Variants in BCKDHA observed in about 807,000 individuals in gnomAD.
BCKDHA encodes branched chain keto acid dehydrogenase E1 subunit alpha, also known as 2-oxoisovalerate dehydrogenase subunit alpha, mitochondrial.
BCKDHA carries 43 observed loss-of-function variants against 52.2 expected under a neutral mutation model. The observed-to-expected ratio is 0.82, with a 90% CI of 0.64 to 1.06. The LOEUF is 1.06. Among genes scored for constraint, BCKDHA ranks in the 50% least tolerant of loss-of-function variants. The pLI is 0.00. For missense variants in BCKDHA, 527 were observed against 621.3 expected, an observed-to-expected ratio of 0.85 and a Z score of 1.61; for synonymous variants, 234 against 247.9, an observed-to-expected ratio of 0.94 and a Z score of 0.53.
chr19:41,404,674 A>G (rs1205053016), intron 1 of BCKDHA, among the ~76,000 whole-genome samples: 2 of 150,238 alleles, frequency 1.3e-5, no homozygotes, highest in East Asian at 2.0e-4. Flanking sequence ...GCTCACTGCA[A>G]CCTCCACCTC....
In BCKDHA at chr19:41,408,529, G is replaced by A. The variant is rs138402518; in HGVS notation, c.109-2108G>A. The stretch of plus-strand genomic sequence containing the variant: ...TTCATATCCCTTTGAGCATTTATAG[G>A]CTTCTCACAGGTCTCCTGGGCTTTC... On this transcript the variant is annotated intron_variant, in intron 1 of 8. Transcript: ENST00000269980. 1.4e-3 allele frequency among the ~76,000 whole-genome samples: 217 copies of A among 151,470 alleles called. 1 individual carries two copies. Among genetic ancestry groups the A allele is most frequent in the African/African-American group, 5.1e-3 (209 of 40,866 alleles).
chr19:41,399,904 G>C (rs113901068), intron 1 of BCKDHA: 32 of 152,008 alleles, frequency 2.1e-4, no homozygotes, highest in African/African-American at 7.5e-4. Context: ...TCCTGCCTCA[G>C]CCTCCCTAGT....
At chr19:41,413,668 G>A (rs1568504761) in intron 3 of BCKDHA, among the ~76,000 whole-genome samples, 1 of 152,086 alleles carries the variant, frequency 6.6e-6, no homozygotes, top group Non-Finnish European at 1.5e-5. Context: ...TTATCTGGGT[G>A]CCATCTCCTC....
intron 4 of BCKDHA, among the ~76,000 whole-genome samples, chr19:41,417,333 C>T (rs181016780): frequency 7.2e-5 from 11 of 152,240 alleles, no homozygotes; most frequent in Non-Finnish European, 8.8e-5. Context: ...ACTTTTAGCA[C>T]GTTCCCCTGC....
chr19:41,410,870 T>C (rs1325830656), intron 2 of BCKDHA, 53 bp from the exon 3 acceptor site: 8 of 1,613,416 alleles, frequency 5.0e-6, no homozygotes, highest in East Asian at 2.2e-5. Flanking sequence ...GCCCCTTGCC[T>C]GTCTCCTCTC....
chr19:41,405,112 T>C (rs553935403), intron 1 of BCKDHA, among the ~76,000 whole-genome samples: 1 of 152,248 alleles, frequency 6.6e-6, no homozygotes, highest in Admixed American at 6.5e-5. Flanking sequence ...ACAAGAACAA[T>C]CATGAGAAAT....
At chr19:41,418,664 G>A (rs750126693) in intron 4 of BCKDHA, 9 of 427,566 alleles carry the variant, frequency 2.1e-5, no homozygotes, top group Non-Finnish European at 4.1e-5. Context: ...CCAAGTAGCT[G>A]GAACCACAGG....
intron 5 of BCKDHA, among the ~76,000 whole-genome samples, chr19:41,421,121 G>A (rs1048585320): frequency 6.6e-6 from 1 of 152,168 alleles, no homozygotes; most frequent in African/African-American, 2.4e-5. Flanking sequence ...CATTTAGGGG[G>A]CATTTGAGCT....
chr19:41,421,668 T>C (rs1050612223), intron 5 of BCKDHA, among the ~76,000 whole-genome samples: 3 of 152,086 alleles, frequency 2.0e-5, no homozygotes, highest in Admixed American at 2.0e-4. Flanking sequence ...CCTTTGCCTG[T>C]TGCAGGGATG....
At chr19:41,403,738 C>T (rs1326675884) in intron 1 of BCKDHA, among the ~76,000 whole-genome samples, 1 of 152,222 alleles carries the variant, frequency 6.6e-6, no homozygotes, top group Admixed American at 6.5e-5. Flanking sequence ...CCCCGCCTCT[C>T]CACCAGCCTG....
chr19:41,424,442 T>G lies in BCKDHA; in HGVS notation c.1172T>G (p.Met391Arg). ...CACTGCCCCATGTCCCCACAGGTGA[T>G]GGAGGCCTTTGAGCAGGCCGAGCGG... ...AWRKQSRRKVMEAFEQAERKP... is the reference protein window; with the variant it reads ...AWRKQSRRKVREAFEQAERKP... The change falls in exon 9 of 9, where the codon ATG (methionine) becomes AGG (arginine). Residue 391 changes from methionine to arginine, a missense_variant. Coordinates refer to ENST00000269980, the MANE Select transcript of BCKDHA (RefSeq NM_000709.4). The G allele has an allele frequency of 6.2e-7, 1 of 1,614,030 alleles. No homozygotes were observed. The highest frequency in any genetic ancestry group is 8.5e-7 in the Non-Finnish European group (1 of 1,180,026).
chr19:41,415,855 G>A (rs1336970793), intron 4 of BCKDHA, among the ~76,000 whole-genome samples: 1 of 149,338 alleles, frequency 6.7e-6, no homozygotes, highest in Admixed American at 6.7e-5. Flanking sequence ...CACCATGTTA[G>A]CCAGGATGGT....
At chr19:41,413,461 C>A (rs567295129) in intron 3 of BCKDHA, among the ~76,000 whole-genome samples, 1 of 152,164 alleles carries the variant, frequency 6.6e-6, no homozygotes. Context: ...TCCTCTCCCG[C>A]CTCCCTCTGC....
rs1377890441 is a variant in BCKDHA, at chr19:41,403,026, C to T, written c.108+5091C>T. ...CCTTCCTTGAATGTGCCTCCTCCCA[C>T]CTGGTGGCCTTTGTAGGTATGAGGT... On this transcript the variant is annotated intron_variant, in intron 1 of 8. Transcript: ENST00000269980. Among the ~76,000 whole-genome samples the T allele has an allele frequency of 6.6e-5, 10 of 152,278 alleles. No homozygotes were observed. The East Asian group carries it at 1.5e-3, about 24-fold the overall frequency.
rs1355693373 is a variant in BCKDHA at position 41,410,657 on chromosome 19, G to A, written c.129G>A (p.Gln43=). 5.0e-6 allele frequency: 8 copies of A among 1,614,102 alleles called. No individual in the cohort carries two copies. The highest frequency in any genetic ancestry group is 6.8e-6 in the Non-Finnish European group (8 of 1,180,050). The change falls in exon 2 of 9, where the codon CAG becomes CAA. Residue 43 remains glutamine (Q), a synonymous_variant. Transcript: ENST00000269980. The part of the protein sequence containing the change: ...LARSHPPRQQ[Q]QFSSLDDKPQ... ...CCCAGCACCCCCCCAGGCAGCAGCA[G>A]CAGTTTTCATCTCTGGATGACAAGC...
chr19:41,410,778 C>T lies in BCKDHA; in HGVS notation c.250C>T (p.Arg84Trp), dbSNP rs769625040. The T allele has an allele frequency of 1.1e-5, 18 of 1,614,186 alleles. No individual in the cohort carries two copies. The highest frequency in any genetic ancestry group is 6.7e-5 in the East Asian group (3 of 44,876). Reference protein sequence around the residue: ...SGIPIYRVMDRQGQIINPSED... With the variant: ...SGIPIYRVMDWQGQIINPSED... ...AATCCCCATCTACCGCGTCATGGAC[C>T]GGCAAGGCCAGATCATCAACCCCAG... The change falls in exon 2 of 9, where the codon CGG (arginine) becomes TGG (tryptophan). Residue 84 changes from arginine to tryptophan, a missense_variant. Transcript: ENST00000269980.
chr19:41,424,479 C>G lies in BCKDHA; in HGVS notation c.1209C>G (p.Pro403=). The change falls in exon 9 of 9, where the codon CCC becomes CCG. Residue 403 remains proline (P), a synonymous_variant. Transcript: ENST00000269980. ...AFEQAERKPK[P]NPNLLFSDVY... ...AGCAGGCCGAGCGGAAGCCCAAACC[C>G]AACCCCAACCTACTCTTCTCAGACG... The G allele has an allele frequency of 6.2e-7, 1 of 1,614,176 alleles. No individual in the cohort carries two copies. Among genetic ancestry groups the G allele is most frequent in the Non-Finnish European group, 8.5e-7 (1 of 1,180,040 alleles).
intron 3 of BCKDHA, among the ~76,000 whole-genome samples, chr19:41,411,355 C>T (rs11879090): frequency 0.37 from 56,398 of 151,990 alleles, 11,414 homozygotes; most frequent in Non-Finnish European, 0.45. Flanking sequence ...TCCAGGGGAC[C>T]GCCCTAGGCC....
chr19:41,410,129 C>T (rs536899246), intron 1 of BCKDHA, among the ~76,000 whole-genome samples: 1 of 152,280 alleles, frequency 6.6e-6, no homozygotes, highest in South Asian at 2.1e-4. Context: ...AAGCTCTGTC[C>T]TGAGTAGCTT....
Sources: gnomAD v4.1 joint callset for allele counts (sites outside exome capture counted in the v4.1 genomes callset) on GRCh38, gnomAD v4.1.1 for gene constraint, MANE v1.5 for transcripts, NCBI Gene and HGNC (gene_info 2026-07-23, HGNC 2026-07-21) for gene names.